Variants in KATNAL1 observed in about 807,000 individuals in gnomAD.
KATNAL1 encodes the protein katanin p60 ATPase-containing subunit A-like 1.
In KATNAL1, 32 loss-of-function variants were observed where a neutral mutation model predicts 55.2. The observed-to-expected ratio is 0.58, with a 90% confidence interval of 0.44 to 0.78. KATNAL1 has a LOEUF of 0.78. Among genes scored for constraint, KATNAL1 ranks in the 30% least tolerant of loss-of-function variants. The pLI, the probability that KATNAL1 is intolerant of heterozygous loss-of-function variation, is 0.00. For synonymous variants in KATNAL1, 193 were observed against 193.6 expected, an observed-to-expected ratio of 1.00 and a Z score of 0.02; for missense variants, 466 against 600.9, an observed-to-expected ratio of 0.78 and a Z score of 2.35.
intron 1 of KATNAL1, among the ~76,000 whole-genome samples, chr13:30,300,841 A>T (rs1882808447): frequency 6.6e-6 from 1 of 152,168 alleles, no homozygotes; most frequent in African/African-American, 2.4e-5. Context: ...CTTTTCATTT[A>T]TTTTTTACAT....
In KATNAL1 at chr13:30,272,736, G is replaced by A. The variant is rs150261805; in HGVS notation, c.323+7327C>T. 4.5e-4 allele frequency among the ~76,000 whole-genome samples: 68 copies of A among 152,088 alleles called. No individual in the cohort carries two copies. In the East Asian group the frequency reaches 0.013, roughly 29 times the overall value. On this transcript the variant is annotated intron_variant, in intron 3 of 10. Coordinates refer to ENST00000380615, the MANE Select transcript of KATNAL1 (RefSeq NM_032116.5). ...ATGGAAACTTAAGAGTGACCACTGA[G>A]TTCTATAAAATAATATAAACGCTCG... is the stretch of plus-strand genomic sequence containing the variant.
intron 1 of KATNAL1, among the ~76,000 whole-genome samples, chr13:30,285,615 G>T (rs1000395723): frequency 6.6e-6 from 1 of 152,160 alleles, no homozygotes; most frequent in African/African-American, 2.4e-5. Flanking sequence ...GTGTGAGAAA[G>T]GACTAATACA....
intron 6 of KATNAL1, among the ~76,000 whole-genome samples, chr13:30,236,028 T>A (rs906706440): frequency 6.6e-6 from 1 of 152,166 alleles, no homozygotes; most frequent in African/African-American, 2.4e-5. Context: ...AATGGAAGTG[T>A]ATCACCTTAA....
chr13:30,280,279 G>T (rs983333859), intron 2 of KATNAL1, 56 bp from the exon 3 acceptor site: 5 of 1,381,442 alleles, frequency 3.6e-6, no homozygotes, highest in Non-Finnish European at 4.9e-6. Context: ...TTCATAAATT[G>T]TAAATAATAA....
chr13:30,208,948 G>T (rs375985562), intron 10 of KATNAL1, among the ~76,000 whole-genome samples: 1 of 152,106 alleles, frequency 6.6e-6, no homozygotes, highest in East Asian at 1.9e-4. Flanking sequence ...TATAGTTAAC[G>T]AACCCTAAAA....
At chr13:30,292,359 C>T (rs563681814) in intron 1 of KATNAL1, among the ~76,000 whole-genome samples, 29 of 151,804 alleles carry the variant, frequency 1.9e-4, no homozygotes, top group African/African-American at 6.3e-4. Context: ...GACAACCTAA[C>T]CCAAGGTATT....
At chr13:30,212,410 G>C (rs1188650810) in intron 9 of KATNAL1, among the ~76,000 whole-genome samples, 1 of 152,188 alleles carries the variant, frequency 6.6e-6, no homozygotes, top group East Asian at 1.9e-4. Flanking sequence ...CCGGACCCTG[G>C]TGCTTGCTTG....
At chr13:30,268,045 G>A (rs1370897573) in intron 3 of KATNAL1, among the ~76,000 whole-genome samples, 1 of 152,186 alleles carries the variant, frequency 6.6e-6, no homozygotes, top group East Asian at 1.9e-4. Flanking sequence ...CTACATTTGT[G>A]GAGTGAAGCG....
In KATNAL1 at chr13:30,204,666, CT is replaced by C. The variant is rs1179430272; in HGVS notation, c.*3873del. On this transcript the variant is annotated 3_prime_UTR_variant, in exon 11 of 11. Coordinates refer to ENST00000380615, the MANE Select transcript of KATNAL1 (RefSeq NM_032116.5). ...TTGGGTTGTACACACACATTTTCCCCTGATGTATGTGTATGACTGTCCATAG... is the reference window on the plus strand; with the variant it reads ...TTGGGTTGTACACACACATTTTCCCCGATGTATGTGTATGACTGTCCATAG... The C allele has an allele frequency of 1.3e-5, 2 of 152,180 alleles. No individual in the cohort carries two copies. The highest frequency in any genetic ancestry group is 4.8e-5 in the African/African-American group (2 of 41,446). 9.4% of individuals were successfully genotyped at this position (152,180 alleles called of 1,614,324 possible).
rs1876499066 is a variant in KATNAL1, at chr13:30,234,925, C to G, written c.727-3453G>C. ...GAAATTTTATGCTAATGAGGTGACT[C>G]ATGGTGGCCCCCTATATAGTTTATG... On this transcript the variant is annotated intron_variant, in intron 6 of 10. Coordinates refer to ENST00000380615, the MANE Select transcript of KATNAL1 (RefSeq NM_032116.5). Among the ~76,000 whole-genome samples, 2 of 152,158 alleles carry G rather than the reference C, an allele frequency of 1.3e-5. 1 individual carries two copies. The highest frequency in any genetic ancestry group is 4.8e-5 in the African/African-American group (2 of 41,440).
chr13:30,238,662 G>A (rs1173728457), intron 6 of KATNAL1, among the ~76,000 whole-genome samples: 2 of 152,094 alleles, frequency 1.3e-5, no homozygotes, highest in Non-Finnish European at 2.9e-5. Context: ...TTTGTGCTTT[G>A]CTGAGCTTTC....
At chr13:30,291,972 T>C (rs1403795723) in intron 1 of KATNAL1, among the ~76,000 whole-genome samples, 4 of 151,678 alleles carry the variant, frequency 2.6e-5, no homozygotes, top group Admixed American at 6.6e-5. Flanking sequence ...AAGGAGGAGG[T>C]TGCAGTGAGC....
At chr13:30,228,725 C>T (rs1182513727) in intron 8 of KATNAL1, among the ~76,000 whole-genome samples, 7 of 152,058 alleles carry the variant, frequency 4.6e-5, no homozygotes, top group African/African-American at 9.7e-5. Context: ...TGTTTTGAAA[C>T]AACACAACTT....
intron 4 of KATNAL1, among the ~76,000 whole-genome samples, chr13:30,250,402 T>C (rs1316725549): frequency 6.6e-6 from 1 of 152,240 alleles, no homozygotes; most frequent in African/African-American, 2.4e-5. Flanking sequence ...ATCATCTTAT[T>C]CTTTAATGTG....
At chr13:30,278,466 A>G (rs978552348) in intron 3 of KATNAL1, among the ~76,000 whole-genome samples, 4 of 152,236 alleles carry the variant, frequency 2.6e-5, no homozygotes, top group African/African-American at 9.6e-5. Flanking sequence ...AGGACAAAGA[A>G]AAGAAAATAA....
intron 3 of KATNAL1, among the ~76,000 whole-genome samples, chr13:30,277,702 G>A (rs1880944686): frequency 6.6e-6 from 1 of 152,102 alleles, no homozygotes; most frequent in Non-Finnish European, 1.5e-5. Flanking sequence ...ATTTAATTCA[G>A]GCCGGGCACG....
At position 30,244,111 on chromosome 13, in the gene KATNAL1, T is replaced by C. The variant is rs1877549839; in HGVS notation, c.493-3025A>G. ...CCACCCCCCAACAGGCCCCAGTGTG[T>C]GATGTTCCCCTCCCTGTATCCATGT... On this transcript the variant is annotated intron_variant, in intron 4 of 10. Transcript: ENST00000380615. Among the ~76,000 whole-genome samples the C allele has an allele frequency of 2.6e-5, 4 of 151,292 alleles. No individual in the cohort carries two copies. The South Asian group carries it at 8.4e-4, about 32-fold the overall frequency.
At chr13:30,263,451 G>A (rs958899536) in intron 3 of KATNAL1, among the ~76,000 whole-genome samples, 1 of 151,050 alleles carries the variant, frequency 6.6e-6, no homozygotes, top group African/African-American at 2.4e-5. Flanking sequence ...CAGACGACAT[G>A]ATTGTATATC....
chr13:30,245,962 C>A (rs1183471688), intron 4 of KATNAL1, among the ~76,000 whole-genome samples: 1 of 152,148 alleles, frequency 6.6e-6, no homozygotes, highest in Non-Finnish European at 1.5e-5. Flanking sequence ...GTGAAAATGG[C>A]CATACTGCCC....
Sources: allele counts gnomAD v4.1 joint callset (sites outside exome capture counted in the v4.1 genomes callset), GRCh38; gene constraint gnomAD v4.1.1; transcripts MANE v1.5; gene names NCBI Gene and HGNC (gene_info 2026-07-23, HGNC 2026-07-21).